Variants in DRC10 observed in about 807,000 individuals in gnomAD.
The protein encoded by DRC10 is IQ domain-containing protein D.
the DRC10 span, chr12:113,207,909 G>A: frequency 3.6e-5 from 58 of 1,614,102 alleles, no homozygotes; most frequent in East Asian, 1.0e-3. Flanking sequence ...CCCTCATGAC[G>A]TCCTCCCCCA....
chr12:113,217,326 T>A, the DRC10 span, among the ~76,000 whole-genome samples: 1 of 130,434 alleles, frequency 7.7e-6, no homozygotes, highest in African/African-American at 2.6e-5. Context: ...CACGTGTAAT[T>A]TTTTTTTTTT....
the DRC10 span, chr12:113,200,867 A>G: frequency 2.2e-6 from 3 of 1,339,050 alleles, no homozygotes; most frequent in Non-Finnish European, 3.0e-6. Flanking sequence ...AGCCGGGCAC[A>G]GTGGCTCACG....
the DRC10 span, among the ~76,000 whole-genome samples, chr12:113,196,798 C>G: frequency 1.3e-5 from 2 of 152,230 alleles, no homozygotes; most frequent in African/African-American, 4.8e-5. Flanking sequence ...GGGCGTGTCT[C>G]GATTTGAAGG....
the DRC10 span, among the ~76,000 whole-genome samples, chr12:113,210,752 C>T: frequency 6.7e-6 from 1 of 149,086 alleles, no homozygotes; most frequent in Non-Finnish European, 1.5e-5. Context: ...CCTGTTCGTT[C>T]TCCAGGTTAA....
chr12:113,202,771 T>C, the DRC10 span, among the ~76,000 whole-genome samples: 60 of 152,220 alleles, frequency 3.9e-4, no homozygotes, highest in African/African-American at 1.4e-3. Flanking sequence ...GGAAGTCACA[T>C]AGAAGAAACC....
chr12:113,203,317 A>G, the DRC10 span, among the ~76,000 whole-genome samples: 2 of 150,944 alleles, frequency 1.3e-5, no homozygotes, highest in African/African-American at 2.4e-5. Flanking sequence ...GAGCCACCAC[A>G]CCGCCATTTC....
the DRC10 span, among the ~76,000 whole-genome samples, chr12:113,202,829 T>C: frequency 1.3e-5 from 2 of 152,204 alleles, no homozygotes; most frequent in Non-Finnish European, 1.5e-5. Flanking sequence ...AGCTCCGGTG[T>C]TTCCACTACA....
At chr12:113,207,382 C>G in the DRC10 span, 1 of 1,449,576 alleles carries the variant, frequency 6.9e-7, no homozygotes, top group Non-Finnish European at 9.7e-7. Flanking sequence ...AAAACCCAAC[C>G]AACAAAAGAT....
At chr12:113,207,726 C>T in the DRC10 span, 1 of 1,614,176 alleles carries the variant, frequency 6.2e-7, no homozygotes, top group Non-Finnish European at 8.5e-7. Flanking sequence ...AGTCTTTGAT[C>T]TGCTGCATAA....
At chr12:113,198,423 T>G in the DRC10 span, among the ~76,000 whole-genome samples, 3 of 152,128 alleles carry the variant, frequency 2.0e-5, no homozygotes, top group African/African-American at 7.2e-5. Context: ...CATGATCTAA[T>G]CTTGTTTTTA....
the DRC10 span, among the ~76,000 whole-genome samples, chr12:113,199,022 C>T: frequency 6.6e-6 from 1 of 151,990 alleles, no homozygotes; most frequent in African/African-American, 2.4e-5. Context: ...ACCGCAACCC[C>T]CGCCTCCTGA....
the DRC10 span, among the ~76,000 whole-genome samples, chr12:113,212,427 G>T: frequency 2.6e-5 from 4 of 152,148 alleles, no homozygotes. Flanking sequence ...GATTTCTCAG[G>T]CTCTCTGAGG....
the DRC10 span, among the ~76,000 whole-genome samples, chr12:113,205,764 C>T: frequency 0.017 from 2,518 of 151,164 alleles, 53 homozygotes; most frequent in African/African-American, 0.057. Context: ...TGGCGGGCGC[C>T]TGTAGTCCCA....
the DRC10 span, among the ~76,000 whole-genome samples, chr12:113,209,715 T>C: frequency 6.6e-6 from 1 of 152,288 alleles, no homozygotes; most frequent in East Asian, 1.9e-4. Flanking sequence ...CACATCAAGG[T>C]TATCTAAGAT....
chr12:113,200,575 G>A, the DRC10 span: 1 of 1,532,804 alleles, frequency 6.5e-7, no homozygotes, highest in African/African-American at 1.4e-5. Context: ...TGCTTCCCGG[G>A]GCACCTTCCT....
At chr12:113,210,568 C>T in the DRC10 span, among the ~76,000 whole-genome samples, 3 of 150,538 alleles carry the variant, frequency 2.0e-5, no homozygotes. Context: ...TCAAGACCAG[C>T]CCAGGCAACA....
the DRC10 span, among the ~76,000 whole-genome samples, chr12:113,205,802 T>C: frequency 2.1e-5 from 3 of 141,512 alleles, no homozygotes; most frequent in African/African-American, 8.1e-5. Flanking sequence ...GGCAGGAGAA[T>C]GGCGTGAACC....
the DRC10 span, chr12:113,195,714 G>C: frequency 6.2e-7 from 1 of 1,613,766 alleles, no homozygotes; most frequent in South Asian, 1.1e-5. Context: ...GATGAGCGTG[G>C]CCGCCCGTAC....
At chr12:113,201,035 A>G in the DRC10 span, among the ~76,000 whole-genome samples, 18 of 152,128 alleles carry the variant, frequency 1.2e-4, no homozygotes, top group Non-Finnish European at 2.6e-4. Context: ...GCTACTCGGG[A>G]GGCTGAGGCA....
Sources: allele counts gnomAD v4.1 joint callset (sites outside exome capture counted in the v4.1 genomes callset), GRCh38; gene constraint gnomAD v4.1.1; transcripts MANE v1.5; gene names NCBI Gene and HGNC (gene_info 2026-07-23, HGNC 2026-07-21).